The following PRDM10 variants were observed in gnomAD, a reference collection of about 807,000 sequenced individuals.
PRDM10 encodes PR domain zinc finger protein 10.
In PRDM10, 65 loss-of-function variants were observed where a neutral mutation model predicts 133.1. The ratio of observed to expected loss-of-function variants is 0.49; its 90% CI spans 0.40 to 0.60. The LOEUF (loss-of-function observed/expected upper bound fraction) is 0.60, where lower values mean the gene tolerates loss of function less well. Ranked by LOEUF, PRDM10 falls within the 20% of genes least tolerant of loss-of-function variation. The probability of loss-of-function intolerance (pLI) is 0.00; values close to 1 mark genes in which losing one functional copy is unlikely to be tolerated. For missense variants in PRDM10, 1,137 were observed against 1,507.1 expected (o/e 0.75, Z 4.07); for synonymous variants, 582 against 580.4 (o/e 1.00, Z -0.04).
At position 129,944,699 on chromosome 11, in the gene PRDM10, T is replaced by C; in HGVS notation, c.762+72A>G. 6 of 1,555,302 alleles carry C rather than the reference T, an allele frequency of 3.9e-6. No homozygotes were observed. The South Asian group carries it at 4.7e-5, about 12-fold the overall frequency. On this transcript the variant is annotated intron_variant, in intron 6 of 20. Coordinates refer to ENST00000360871, the MANE Select transcript of PRDM10 (RefSeq NM_199437.2). ...CTGCTAAGAAACAGGAATAAGAGACTGAGTAGACAACGCAGTGCTCCTTCA... is the reference window on the plus strand; with the variant it reads ...CTGCTAAGAAACAGGAATAAGAGACCGAGTAGACAACGCAGTGCTCCTTCA...
chr11:129,914,838 A>G lies in PRDM10; in HGVS notation c.2707T>C (p.Ser903Pro), dbSNP rs1286655548. 6.2e-7 allele frequency: 1 copy of G among 1,614,014 alleles called. No homozygotes were observed. The highest frequency in any genetic ancestry group is 8.5e-7 in the Non-Finnish European group (1 of 1,180,038). The stretch of plus-strand genomic sequence containing the variant: ...CGGTAGTCTGTCGTTAAGGTCTGGG[A>G]CAGTTCTGTCATTGCTTGGGTGAGC... ...DLLTQAMTEL[S>P]QTLTTDYRTP... Residue 903 changes from serine to proline, a missense_variant, in exon 17 of 21, where the codon TCC becomes CCC. Physicochemically the swap from Ser to Pro is moderately conservative, Grantham distance 74. Transcript: ENST00000360871.
At chr11:129,979,897 C>A (rs966157799) in intron 1 of PRDM10, among the ~76,000 whole-genome samples, 1 of 152,242 alleles carries the variant, frequency 6.6e-6, no homozygotes, top group Admixed American at 6.5e-5. Flanking sequence ...CAGCCCCTTC[C>A]GACCTTCAGT....
intron 19 of PRDM10, 103 bp downstream of exon 19, chr11:129,910,373 G>T: frequency 6.7e-7 from 1 of 1,488,274 alleles, no homozygotes; most frequent in Non-Finnish European, 9.2e-7. Context: ...GTAAACAATG[G>T]CCAAGAGATA....
At chr11:129,903,152 G>T (rs1949894424) in intron 20 of PRDM10, among the ~76,000 whole-genome samples, 1 of 151,902 alleles carries the variant, frequency 6.6e-6, no homozygotes, top group Non-Finnish European at 1.5e-5. Flanking sequence ...AAAAAAATTA[G>T]CCGGGCGTGG....
intron 1 of PRDM10, among the ~76,000 whole-genome samples, chr11:129,972,337 C>G (rs190224376): frequency 6.6e-6 from 1 of 152,218 alleles, no homozygotes; most frequent in Non-Finnish European, 1.5e-5. Flanking sequence ...GAGGAGGTGC[C>G]GAGAGCGAGC....
chr11:129,990,214 C>T (rs746320058), intron 1 of PRDM10, among the ~76,000 whole-genome samples: 1 of 151,964 alleles, frequency 6.6e-6, no homozygotes. Flanking sequence ...GCATGGGTGG[C>T]GGGTGCCTGT....
chr11:129,932,277 C>T (rs771074532), intron 9 of PRDM10, 46 bp from the exon 10 acceptor site: 1 of 1,596,098 alleles, frequency 6.3e-7, no homozygotes, highest in South Asian at 1.1e-5. Flanking sequence ...TTACATAATA[C>T]TCCATAACAA....
In PRDM10 at chr11:129,900,794, C is replaced by G. The variant is rs1016255372; in HGVS notation, c.*1519G>C. The G allele has an allele frequency of 5.3e-5, 8 of 152,300 alleles. No individual in the cohort carries two copies. The highest frequency in any genetic ancestry group is 1.2e-4 in the Non-Finnish European group (8 of 68,002). The allele number at this position is 152,300 out of a possible 1,614,324, so 9.4% of individuals were successfully genotyped here. A position where few individuals can be genotyped will look rare whatever the true frequency, so the allele number is the denominator to read the frequency against. On this transcript the variant is annotated 3_prime_UTR_variant, in exon 21 of 21. Coordinates refer to ENST00000360871, the MANE Select transcript of PRDM10 (RefSeq NM_199437.2). ...TTATGAAGTAATTTTCTCAAGTTCT[C>G]TTAGTACTCAAACATTGGGGAACAA... is the stretch of plus-strand genomic sequence containing the variant.
At chr11:129,916,245 G>A (rs2135750561) in intron 15 of PRDM10, among the ~76,000 whole-genome samples, 1 of 152,284 alleles carries the variant, frequency 6.6e-6, no homozygotes, top group East Asian at 1.9e-4. Context: ...CTGAAGACCA[G>A]GAGCCAGAGA....
intron 11 of PRDM10, chr11:129,929,285 T>C: frequency 8.5e-6 from 7 of 823,610 alleles, no homozygotes; most frequent in Non-Finnish European, 1.3e-5. Context: ...TATTCATTAA[T>C]TTGCATTTAC....
At chr11:129,930,337 C>A (rs563621149) in intron 11 of PRDM10, among the ~76,000 whole-genome samples, 2 of 152,204 alleles carry the variant, frequency 1.3e-5, no homozygotes, top group African/African-American at 4.8e-5. Flanking sequence ...GTTTTCCACA[C>A]GAATCCCCTG....
At position 129,947,055 on chromosome 11, in the gene PRDM10, G is replaced by A. The variant is rs11221910; in HGVS notation, c.520+90C>T. The A allele has an allele frequency of 4.1e-3, 6,261 of 1,527,184 alleles. 200 individuals carry two copies. In the African/African-American group the frequency reaches 0.072, roughly 18 times the overall value. 94.6% of individuals were successfully genotyped at this position (1,527,184 alleles called of 1,614,324 possible). On this transcript the variant is annotated intron_variant, in intron 5 of 20. Coordinates refer to ENST00000360871, the MANE Select transcript of PRDM10 (RefSeq NM_199437.2). This position sits in a 1 kb window ranked among gnomAD's most constrained non-coding sequence, Gnocchi z 4.6. ...TTGGCTGCACACGGAAGGACCTGAC[G>A]CACGGGAGCTATGTTCACACACACG...
At chr11:129,971,296 T>G (rs1457522915) in intron 1 of PRDM10, among the ~76,000 whole-genome samples, 1 of 152,186 alleles carries the variant, frequency 6.6e-6, no homozygotes, top group African/African-American at 2.4e-5. Context: ...TTTTATTCTC[T>G]TATCTGGCCC....
rs949317465 is a variant in PRDM10 at position 129,923,524 on chromosome 11, G to A, written c.1879-121C>T. ...ACCATGGGTTTTCATCAACCCCGCC[G>A]AGGAATCCAATCAGATGTGATAATT... On this transcript the variant is annotated intron_variant, in intron 12 of 20. Coordinates refer to ENST00000360871, the MANE Select transcript of PRDM10 (RefSeq NM_199437.2). The surrounding 1 kb of genome is among the most constrained non-coding windows in gnomAD (Gnocchi z 4.4). 19 of 1,068,390 alleles carry A rather than the reference G, an allele frequency of 1.8e-5. No individual in the cohort carries two copies. Among genetic ancestry groups the A allele is most frequent in the African/African-American group, 3.2e-5 (2 of 61,734 alleles). The allele number at this position is 1,068,390 out of a possible 1,614,324, so 66.2% of individuals were successfully genotyped here. A position where few individuals can be genotyped will look rare whatever the true frequency, so the allele number is the denominator to read the frequency against.
chr11:129,914,358 G>A (rs569987066), intron 17 of PRDM10: 15 of 386,624 alleles, frequency 3.9e-5, no homozygotes, highest in East Asian at 2.5e-4. Flanking sequence ...TACGCAGGTC[G>A]TGATTTATCA....
At chr11:129,937,129 C>T (rs1457880056) in intron 8 of PRDM10, among the ~76,000 whole-genome samples, 3 of 152,192 alleles carry the variant, frequency 2.0e-5, no homozygotes, top group Non-Finnish European at 2.9e-5. Context: ...AATTAGAAGG[C>T]AGCACAAAGA....
chr11:129,929,312 T>TG, intron 11 of PRDM10: 1 of 1,171,104 alleles, frequency 8.5e-7, no homozygotes, highest in Non-Finnish European at 1.2e-6. Flanking sequence ...AACCAAACTG[T>TG]GGTTTCCACC....
At position 129,969,668 on chromosome 11, in the gene PRDM10, G is replaced by A. The variant is rs551040673; in HGVS notation, c.-118-8586C>T. ...AAAAAAAAAAAAAAATTAGCCGGGC[G>A]TGGTGGTGCGTGCCTGTAATCCCAG... On this transcript the variant is annotated intron_variant, in intron 1 of 20. Coordinates refer to ENST00000360871, the MANE Select transcript of PRDM10 (RefSeq NM_199437.2). Among the ~76,000 whole-genome samples the A allele has an allele frequency of 5.3e-5, 8 of 151,394 alleles. No homozygotes were observed. In the South Asian group the frequency reaches 8.4e-4, roughly 16 times the overall value.
intron 7 of PRDM10, among the ~76,000 whole-genome samples, chr11:129,940,569 C>A (rs1405480687): frequency 6.6e-6 from 1 of 151,930 alleles, no homozygotes; most frequent in African/African-American, 2.4e-5. Context: ...ATTTTTTTAA[C>A]TTTTTAAAGT....
Sources: gnomAD v4.1 joint callset for allele counts (sites outside exome capture counted in the v4.1 genomes callset) on GRCh38, gnomAD v4.1.1 for gene constraint, Gnocchi (gnomAD v3.1) non-coding constraint, MANE v1.5 for transcripts, NCBI Gene and HGNC (gene_info 2026-07-23, HGNC 2026-07-21) for gene names.